The following SH3BGR variants were observed in gnomAD, a reference collection of about 807,000 sequenced individuals.
SH3BGR encodes SH3 domain-binding glutamic acid-rich protein.
SH3BGR carries 29 observed loss-of-function variants against 24.5 expected under a neutral mutation model. The ratio of observed to expected loss-of-function variants is 1.18; its 90% CI spans 0.88 to 1.61. SH3BGR has a LOEUF of 1.61. SH3BGR is among the 40% of genes most tolerant of loss of function. The pLI is 0.00. For missense variants in SH3BGR, 162 were observed against 205.8 expected (o/e 0.79, Z 1.30); for synonymous variants, 55 against 65.7 (o/e 0.84, Z 0.79).
At chr21:39,459,667 C>T (rs2077722916) in intron 1 of SH3BGR, among the ~76,000 whole-genome samples, 1 of 152,084 alleles carries the variant, frequency 6.6e-6, no homozygotes. Context: ...GCTGGGACTA[C>T]AGGCATGCAC....
At chr21:39,507,416 C>G (rs2078601742) in intron 4 of SH3BGR, among the ~76,000 whole-genome samples, 1 of 152,164 alleles carries the variant, frequency 6.6e-6, no homozygotes, top group Admixed American at 6.5e-5. Context: ...TCACCGCAAC[C>G]TCCGCCTCCT....
At chr21:39,475,100 CA>C (rs1569158804) in intron 2 of SH3BGR, 34 bp from the exon 3 acceptor site, 2 of 1,289,846 alleles carry the variant, frequency 1.6e-6, no homozygotes, top group South Asian at 2.4e-5. Flanking sequence ...CACAAGTGTG[CA>C]GTAGTTTTAA....
intron 2 of SH3BGR, among the ~76,000 whole-genome samples, chr21:39,473,531 A>G (rs2077975823): frequency 6.6e-6 from 1 of 152,188 alleles, no homozygotes; most frequent in East Asian, 1.9e-4. Flanking sequence ...AAAAGAATAA[A>G]ATTAATCACT....
At chr21:39,461,296 C>A (rs1381426671) in intron 1 of SH3BGR, among the ~76,000 whole-genome samples, 1 of 152,006 alleles carries the variant, frequency 6.6e-6, no homozygotes, top group African/African-American at 2.4e-5. Context: ...CGCCACCACG[C>A]CTGGCTAATT....
At chr21:39,475,931 A>C (rs1489077882) in intron 3 of SH3BGR, among the ~76,000 whole-genome samples, 1 of 152,156 alleles carries the variant, frequency 6.6e-6, no homozygotes, top group Admixed American at 6.5e-5. Flanking sequence ...TGAGGGGGGA[A>C]GTTAAGTTTG....
chr21:39,515,186 A>T lies in SH3BGR; in HGVS notation c.*133A>T. 1 of 466,970 alleles carries T rather than the reference A, an allele frequency of 2.1e-6. No individual in the cohort carries two copies. Among genetic ancestry groups the T allele is most frequent in the Non-Finnish European group, 4.4e-6 (1 of 225,306 alleles). The allele number at this position is 466,970 out of a possible 1,614,324, so 28.9% of individuals were successfully genotyped here. On this transcript the variant is annotated 3_prime_UTR_variant, in exon 7 of 7. Transcript: ENST00000333634. ...GCCGGCACACCCAGGGTTACTGAGG[A>T]CTTATGCTGCCTGACCTGGTTAGAT...
chr21:39,452,221 C>A lies in SH3BGR; in HGVS notation c.45+80C>A. On this transcript the variant is annotated intron_variant, in intron 1 of 6. Coordinates refer to ENST00000333634, the MANE Select transcript of SH3BGR (RefSeq NM_007341.3). Reference sequence around the variant, plus strand: ...TGGAAATATGGCCAACGTTGGCCTTCAGTTTCTTTTTTGCGTGTAGTCAGC... The same window carrying A: ...TGGAAATATGGCCAACGTTGGCCTTAAGTTTCTTTTTTGCGTGTAGTCAGC... The A allele has an allele frequency of 3.2e-6, 5 of 1,565,862 alleles. No homozygotes were observed. In the South Asian group the frequency reaches 5.8e-5, roughly 18 times the overall value.
upstream of SH3BGR, chr21:39,451,962 C>T (rs758045400): frequency 1.4e-5 from 22 of 1,614,008 alleles, no homozygotes; most frequent in African/African-American, 6.7e-5. Context: ...GCGGGACTGC[C>T]GGAGCCCAGT....
At chr21:39,502,831 C>T (rs557564488) in intron 4 of SH3BGR, among the ~76,000 whole-genome samples, 10 of 152,330 alleles carry the variant, frequency 6.6e-5, no homozygotes, top group Admixed American at 3.9e-4. Context: ...TGACCGCGGA[C>T]GCTGCTGCCT....
At chr21:39,469,716 C>T (rs1002224217) in intron 2 of SH3BGR, among the ~76,000 whole-genome samples, 1 of 151,720 alleles carries the variant, frequency 6.6e-6, no homozygotes, top group African/African-American at 2.4e-5. Context: ...TGCAGTGGCC[C>T]GATCTCAGCT....
chr21:39,492,493 C>A (rs531416415), intron 3 of SH3BGR, among the ~76,000 whole-genome samples: 1 of 147,696 alleles, frequency 6.8e-6, no homozygotes, highest in Non-Finnish European at 1.5e-5. Flanking sequence ...CACACACACA[C>A]ACACACCACA....
At chr21:39,502,224 C>T (rs993935875) in intron 4 of SH3BGR, among the ~76,000 whole-genome samples, 2 of 152,174 alleles carry the variant, frequency 1.3e-5, no homozygotes, top group African/African-American at 4.8e-5. Context: ...AAAGGCATCT[C>T]TCCTCCCAGG....
Position 39,467,853 on chromosome 21 carries a change from A to G in SH3BGR, c.231+5293A>G, listed in dbSNP as rs116789534. On this transcript the variant is annotated intron_variant, in intron 2 of 6. Coordinates refer to ENST00000333634, the MANE Select transcript of SH3BGR (RefSeq NM_007341.3). ...GCCCCTGCCAGTTTGAACTTCTGCT[A>G]CTCTATGCAGAGCAAATGAAGATAT... Among the ~76,000 whole-genome samples the G allele has an allele frequency of 2.2e-3, 342 of 152,238 alleles. 4 individuals are homozygous for G. Among genetic ancestry groups the G allele is most frequent in the African/African-American group, 7.5e-3 (310 of 41,550 alleles).
At chr21:39,455,793 T>C (rs558410866) in intron 1 of SH3BGR, among the ~76,000 whole-genome samples, 1 of 152,338 alleles carries the variant, frequency 6.6e-6, no homozygotes, top group Admixed American at 6.5e-5. Flanking sequence ...GTGCCCTGAA[T>C]AGCGTGATAA....
chr21:39,457,708 G>A (rs1312909943), intron 1 of SH3BGR, among the ~76,000 whole-genome samples: 1 of 151,870 alleles, frequency 6.6e-6, no homozygotes, highest in African/African-American at 2.4e-5. Flanking sequence ...GAGGCAGGTG[G>A]ATCACTTGAG....
intron 2 of SH3BGR, among the ~76,000 whole-genome samples, chr21:39,467,215 G>A (rs538846299): frequency 6.6e-6 from 1 of 152,020 alleles, no homozygotes; most frequent in Non-Finnish European, 1.5e-5. Flanking sequence ...TAAAAAAGAA[G>A]ATTTCAAAGT....
chr21:39,505,253 T>C (rs2078562942), intron 4 of SH3BGR, among the ~76,000 whole-genome samples: 1 of 152,200 alleles, frequency 6.6e-6, no homozygotes, highest in Non-Finnish European at 1.5e-5. Context: ...CTCCAGGGAC[T>C]GTGGAGGGAG....
At chr21:39,450,732 T>C (rs1280264721), upstream of SH3BGR, among the ~76,000 whole-genome samples, 1 of 152,250 alleles carries the variant, frequency 6.6e-6, no homozygotes, top group Non-Finnish European at 1.5e-5. Context: ...CAGAAGAATT[T>C]GCATAACTGG....
At chr21:39,447,498 C>T (rs1194097331), upstream of SH3BGR, among the ~76,000 whole-genome samples, 1 of 150,892 alleles carries the variant, frequency 6.6e-6, no homozygotes, top group Non-Finnish European at 1.5e-5. Flanking sequence ...TCACCACAAC[C>T]TCCGCTTCCT....
Sources: gnomAD v4.1 joint callset for allele counts (sites outside exome capture counted in the v4.1 genomes callset) on GRCh38, gnomAD v4.1.1 for gene constraint, MANE v1.5 for transcripts, NCBI Gene and HGNC (gene_info 2026-07-23, HGNC 2026-07-21) for gene names.